The following RAB3B variants were observed in gnomAD, a reference collection of about 807,000 sequenced individuals.
The protein encoded by RAB3B is RAB3B, member RAS oncogene family.
A neutral mutation model predicts 20.5 loss-of-function variants in RAB3B; 11 were observed. That is an observed-to-expected ratio of 0.54 (90% CI 0.34 to 0.89). RAB3B has a LOEUF of 0.89. Among genes scored for constraint, RAB3B ranks in the 40% least tolerant of loss-of-function variants. The probability of loss-of-function intolerance (pLI) is 0.02; values close to 1 mark genes in which losing one functional copy is unlikely to be tolerated. For missense variants in RAB3B, 225 were observed against 280.9 expected (o/e 0.80, Z 1.42); for synonymous variants, 99 against 106.3 (o/e 0.93, Z 0.42).
intron 2 of RAB3B, among the ~76,000 whole-genome samples, chr1:51,968,088 C>T (rs1419260965): frequency 1.3e-5 from 2 of 151,988 alleles, no homozygotes; most frequent in African/African-American, 4.8e-5. Flanking sequence ...GAAGAAGGGG[C>T]CCCAAGCAAA....
chr1:51,970,076 A>G (rs1684907342), intron 2 of RAB3B, among the ~76,000 whole-genome samples: 1 of 151,718 alleles, frequency 6.6e-6, no homozygotes, highest in Non-Finnish European at 1.5e-5. Flanking sequence ...TCTCAAAAAA[A>G]AAAAACCCAA....
At chr1:51,937,788 C>T (rs536362499) in intron 2 of RAB3B, among the ~76,000 whole-genome samples, 8 of 152,090 alleles carry the variant, frequency 5.3e-5, no homozygotes, top group Non-Finnish European at 8.8e-5. Flanking sequence ...TGAGCCACCG[C>T]GCCCAACCCA....
intron 1 of RAB3B, among the ~76,000 whole-genome samples, chr1:51,987,820 T>C (rs1162680224): frequency 6.6e-6 from 1 of 152,214 alleles, no homozygotes; most frequent in Admixed American, 6.5e-5. Flanking sequence ...CCACCTAGAC[T>C]AAAAGTTGGT....
At chr1:51,965,913 CACT>C (rs985097507) in intron 2 of RAB3B, among the ~76,000 whole-genome samples, 5 of 152,172 alleles carry the variant, frequency 3.3e-5, no homozygotes, top group African/African-American at 1.2e-4. Context: ...TCTACACTAT[CACT>C]GCAACTTTTC....
At chr1:51,942,985 T>C (rs2124264726) in intron 2 of RAB3B, among the ~76,000 whole-genome samples, 1 of 152,292 alleles carries the variant, frequency 6.6e-6, no homozygotes, top group South Asian at 2.1e-4. Context: ...CTTAATGTTG[T>C]GTGTGTTCTG....
rs1241478865 is a variant in RAB3B, at chr1:51,976,929, T to C, written c.189A>G (p.Thr63=). The change falls in exon 2 of 5, where the codon ACA becomes ACG. Residue 63 remains threonine (T), a synonymous_variant. Transcript: ENST00000371655. Reference sequence around the variant, plus strand: ...TCACCCGCTTCTCGTGACGGTAGACTGTCTTCACCTTGAAGTCGATGCCCA... The same window carrying C: ...TCACCCGCTTCTCGTGACGGTAGACCGTCTTCACCTTGAAGTCGATGCCCA... ...STVGIDFKVK[T]VYRHEKRVKL... is the part of the protein sequence containing the mutation. 4 of 1,614,108 alleles carry C rather than the reference T, an allele frequency of 2.5e-6. No individual in the cohort carries two copies. In the African/African-American group the frequency reaches 4.0e-5, roughly 16 times the overall value.
At position 51,937,366 on chromosome 1, in the gene RAB3B, T is replaced by C; in HGVS notation, c.275A>G (p.Tyr92Cys). The part of the protein sequence containing the change: ...ERYRTITTAY[Y>C]RGAMGFILMY... Reference sequence around the variant, plus strand: ...CAGAATGAAGCCCATGGCCCCACGGTAATAGGCTGTTGTGATGGTCCGGTA... The same window carrying C: ...CAGAATGAAGCCCATGGCCCCACGGCAATAGGCTGTTGTGATGGTCCGGTA... The change falls in exon 3 of 5, where the codon TAC (tyrosine) becomes TGC (cysteine). Residue 92 changes from tyrosine (Y) to cysteine (C), a missense_variant. Tyr to Cys is a radical substitution (Grantham distance 194, BLOSUM62 -2). Coordinates refer to ENST00000371655, the MANE Select transcript of RAB3B (RefSeq NM_002867.4). 1 of 1,613,444 alleles carries C rather than the reference T, an allele frequency of 6.2e-7. No individual in the cohort carries two copies. The highest frequency in any genetic ancestry group is 1.1e-5 in the South Asian group (1 of 90,914).
At chr1:51,939,627 C>A (rs1684462558) in intron 2 of RAB3B, among the ~76,000 whole-genome samples, 1 of 151,596 alleles carries the variant, frequency 6.6e-6, no homozygotes, top group Non-Finnish European at 1.5e-5. Context: ...GTCATCCAGT[C>A]CTGAGTGCAT....
At chr1:51,970,888 G>A (rs528504733) in intron 2 of RAB3B, among the ~76,000 whole-genome samples, 1 of 151,786 alleles carries the variant, frequency 6.6e-6, no homozygotes, top group African/African-American at 2.4e-5. Context: ...GCTGGGACCT[G>A]TAGCCCCAGC....
intron 2 of RAB3B, among the ~76,000 whole-genome samples, chr1:51,942,864 T>A (rs944382781): frequency 3.9e-5 from 6 of 152,172 alleles, no homozygotes; most frequent in African/African-American, 1.4e-4. Flanking sequence ...ATATTTCAAG[T>A]CTTTTCATTA....
intron 2 of RAB3B, among the ~76,000 whole-genome samples, chr1:51,959,916 C>G (rs1684763283): frequency 6.6e-6 from 1 of 152,102 alleles, no homozygotes; most frequent in South Asian, 2.1e-4. Flanking sequence ...AAAACTGCAT[C>G]CTGTGGTTGG....
chr1:51,925,360 C>T (rs1954260), intron 4 of RAB3B, among the ~76,000 whole-genome samples: 81,764 of 152,044 alleles, frequency 0.54, 22,956 homozygotes, highest in East Asian at 0.85. Context: ...ACAATCCATC[C>T]GGCACCTTGG....
intron 1 of RAB3B, among the ~76,000 whole-genome samples, chr1:51,984,159 G>A (rs1685122846): frequency 6.8e-6 from 1 of 148,064 alleles, no homozygotes; most frequent in South Asian, 2.2e-4. Flanking sequence ...AGCTACTCTG[G>A]AGGCTGAGGC....
At chr1:51,963,395 C>A (rs1044206044) in intron 2 of RAB3B, among the ~76,000 whole-genome samples, 1 of 152,160 alleles carries the variant, frequency 6.6e-6, no homozygotes, top group Non-Finnish European at 1.5e-5. Context: ...ACTCCCCAGG[C>A]CCTCTTGCTT....
chr1:51,971,290 C>T, intron 2 of RAB3B, among the ~76,000 whole-genome samples: 1 of 151,824 alleles, frequency 6.6e-6, no homozygotes, highest in East Asian at 1.9e-4. Context: ...TATAAACACA[C>T]ATAAATGTTC....
At chr1:51,979,926 C>A (rs1382670206) in intron 1 of RAB3B, among the ~76,000 whole-genome samples, 1 of 151,584 alleles carries the variant, frequency 6.6e-6, no homozygotes, top group Non-Finnish European at 1.5e-5. Context: ...GCCTGTAGTC[C>A]CAGCTACAGG....
Position 51,909,188 on chromosome 1 carries a change from G to T in RAB3B, c.*10739C>A, listed in dbSNP as rs1683963557. The T allele has an allele frequency of 6.6e-6, 1 of 152,186 alleles. No individual in the cohort carries two copies. The highest frequency in any genetic ancestry group is 6.6e-5 in the Admixed American group (1 of 15,246). 9.4% of individuals were successfully genotyped at this position (152,186 alleles called of 1,614,324 possible). ...ATGAGGTTAGGTTCCTGGGACAGGAGTGTGTATTGAGGTGGAGGGAAGGAG... is the reference window on the plus strand; with the variant it reads ...ATGAGGTTAGGTTCCTGGGACAGGATTGTGTATTGAGGTGGAGGGAAGGAG... On this transcript the variant is annotated 3_prime_UTR_variant, in exon 5 of 5. Coordinates refer to ENST00000371655, the MANE Select transcript of RAB3B (RefSeq NM_002867.4).
intron 2 of RAB3B, among the ~76,000 whole-genome samples, chr1:51,940,369 T>C (rs1244737122): frequency 1.3e-5 from 2 of 152,152 alleles, no homozygotes; most frequent in Non-Finnish European, 2.9e-5. Context: ...ATGCCTGTAA[T>C]CCCAGCACTC....
chr1:51,957,643 G>A (rs1441216735), intron 2 of RAB3B, among the ~76,000 whole-genome samples: 1 of 152,206 alleles, frequency 6.6e-6, no homozygotes, highest in Non-Finnish European at 1.5e-5. Flanking sequence ...GTAAAGTTCT[G>A]TATAAACAGT....
Sources: gnomAD v4.1 joint callset for allele counts (sites outside exome capture counted in the v4.1 genomes callset) on GRCh38, gnomAD v4.1.1 for gene constraint, MANE v1.5 for transcripts, NCBI Gene and HGNC (gene_info 2026-07-23, HGNC 2026-07-21) for gene names.